LINGO2: variants seen among roughly 807,000 people sequenced by gnomAD.
LINGO2 encodes leucine-rich repeat and immunoglobulin-like domain-containing nogo receptor-interacting protein 2.
A neutral mutation model predicts 30.6 loss-of-function variants in LINGO2; 14 were observed. The ratio of observed to expected loss-of-function variants is 0.46; its 90% confidence interval spans 0.30 to 0.72. The LOEUF (loss-of-function observed/expected upper bound fraction) is 0.72. LINGO2 is among the 30% of genes least tolerant of loss of function. The pLI is 0.07. For missense variants in LINGO2, 729 were observed against 751.7 expected, an observed-to-expected ratio of 0.97 and a Z score of 0.35; for synonymous variants, 317 against 288.5, an observed-to-expected ratio of 1.10 and a Z score of -1.00.
chr9:29,120,936 C>A, the LINGO2 span, among the ~76,000 whole-genome samples: 2 of 152,232 alleles, frequency 1.3e-5, no homozygotes, highest in African/African-American at 4.8e-5. Flanking sequence ...TAAATGTTGT[C>A]TCTTACAATA....
chr9:28,839,391 T>C, the LINGO2 span, among the ~76,000 whole-genome samples: 1 of 152,002 alleles, frequency 6.6e-6, no homozygotes, highest in Non-Finnish European at 1.5e-5. Context: ...CACAGGCATG[T>C]CATCCTAATG....
At chr9:28,134,003 C>A (rs1827445815) in intron 4 of LINGO2, among the ~76,000 whole-genome samples, 1 of 152,152 alleles carries the variant, frequency 6.6e-6, no homozygotes, top group East Asian at 1.9e-4. Context: ...ACCCTATTCT[C>A]CAAATCTAAA....
At chr9:28,320,172 C>G (rs538885707) in intron 3 of LINGO2, among the ~76,000 whole-genome samples, 2 of 152,204 alleles carry the variant, frequency 1.3e-5, no homozygotes, top group South Asian at 4.1e-4. Flanking sequence ...TCTCAAGGGT[C>G]ACATAGCTTA....
the LINGO2 span, among the ~76,000 whole-genome samples, chr9:28,862,342 C>T: frequency 1.9e-4 from 28 of 147,024 alleles, no homozygotes; most frequent in South Asian, 6.8e-4. Flanking sequence ...TATCATAGTT[C>T]AAATTAAATT....
chr9:28,228,998 C>T (rs185561277), intron 4 of LINGO2, among the ~76,000 whole-genome samples: 130 of 151,786 alleles, frequency 8.6e-4, no homozygotes, highest in Middle Eastern at 3.4e-3. Flanking sequence ...ATATAAGCAT[C>T]CAGTATTTCC....
At chr9:28,721,612 G>A in the LINGO2 span, among the ~76,000 whole-genome samples, 44 of 152,180 alleles carry the variant, frequency 2.9e-4, no homozygotes, top group African/African-American at 9.4e-4. Flanking sequence ...TGAACAATGA[G>A]AACACATGGA....
the LINGO2 span, among the ~76,000 whole-genome samples, chr9:29,081,998 G>A: frequency 3.3e-5 from 5 of 152,024 alleles, no homozygotes; most frequent in Admixed American, 6.6e-5. Context: ...AAATGGCCAT[G>A]CTGCCCAAGG....
chr9:28,425,630 T>C (rs1306089466), intron 2 of LINGO2, among the ~76,000 whole-genome samples: 2 of 151,928 alleles, frequency 1.3e-5, no homozygotes, highest in Non-Finnish European at 2.9e-5. Flanking sequence ...TTGTTAGGGG[T>C]TACGGGGAAG....
chr9:29,061,624 T>A, the LINGO2 span, among the ~76,000 whole-genome samples: 1 of 152,122 alleles, frequency 6.6e-6, no homozygotes, highest in South Asian at 2.1e-4. Flanking sequence ...GAACTGGTTA[T>A]CCACACGCAA....
At chr9:28,827,180 A>G in the LINGO2 span, among the ~76,000 whole-genome samples, 1 of 152,320 alleles carries the variant, frequency 6.6e-6, no homozygotes, top group South Asian at 2.1e-4. Context: ...ACAGAATCCT[A>G]GCATAAAAAC....
chr9:28,223,570 G>C (rs2133905315), intron 4 of LINGO2, among the ~76,000 whole-genome samples: 1 of 152,274 alleles, frequency 6.6e-6, no homozygotes, highest in East Asian at 1.9e-4. Context: ...AGATTAATTA[G>C]ATGCTTATCA....
chr9:28,326,191 G>A (rs927600716), intron 3 of LINGO2, among the ~76,000 whole-genome samples: 3 of 152,138 alleles, frequency 2.0e-5, no homozygotes, highest in African/African-American at 7.2e-5. Context: ...ATTTTTAGCA[G>A]AGATGGGATT....
chr9:28,253,739 T>A (rs747242707), intron 4 of LINGO2, among the ~76,000 whole-genome samples: 4 of 152,114 alleles, frequency 2.6e-5, no homozygotes, highest in African/African-American at 7.2e-5. Flanking sequence ...TAACTTCCCT[T>A]CCTGGTCTCA....
the LINGO2 span, among the ~76,000 whole-genome samples, chr9:29,035,916 T>C: frequency 6.6e-6 from 1 of 151,946 alleles, no homozygotes; most frequent in Admixed American, 6.6e-5. Context: ...GGGAAAAATA[T>C]TGAAATCTTG....
chr9:28,801,739 C>T, the LINGO2 span, among the ~76,000 whole-genome samples: 1 of 151,974 alleles, frequency 6.6e-6, no homozygotes, highest in South Asian at 2.1e-4. Context: ...CTGTGATACA[C>T]TGGAGGATAA....
intron 4 of LINGO2, among the ~76,000 whole-genome samples, chr9:28,191,244 C>T (rs773055571): frequency 2.0e-5 from 3 of 152,168 alleles, no homozygotes; most frequent in Admixed American, 6.5e-5. Context: ...CGCTTCACAG[C>T]GGTGAAGACT....
the LINGO2 span, among the ~76,000 whole-genome samples, chr9:28,988,923 G>T: frequency 6.6e-6 from 1 of 152,206 alleles, no homozygotes; most frequent in African/African-American, 2.4e-5. Flanking sequence ...ACTATGTTCT[G>T]GTCTATGGAT....
At chr9:28,163,793 G>T (rs1449935600) in intron 4 of LINGO2, among the ~76,000 whole-genome samples, 1 of 152,076 alleles carries the variant, frequency 6.6e-6, no homozygotes, top group Admixed American at 6.6e-5. Context: ...CCAATTTTCT[G>T]CCTAAACGAG....
At chr9:28,272,888 C>T (rs1822990925) in intron 4 of LINGO2, among the ~76,000 whole-genome samples, 1 of 152,156 alleles carries the variant, frequency 6.6e-6, no homozygotes, top group Non-Finnish European at 1.5e-5. Flanking sequence ...CCCCCATCTT[C>T]TCCTCACCCT....
Sources: gnomAD v4.1 joint callset for allele counts (sites outside exome capture counted in the v4.1 genomes callset) on GRCh38, gnomAD v4.1.1 for gene constraint, MANE v1.5 for transcripts, NCBI Gene and HGNC (gene_info 2026-07-23, HGNC 2026-07-21) for gene names.